Variants in GRID1 observed in about 807,000 individuals in gnomAD.
The protein encoded by GRID1 is glutamate receptor ionotropic, delta-1.
A neutral mutation model predicts 98.0 loss-of-function variants in GRID1; 28 were observed. The observed-to-expected ratio is 0.29, with a 90% CI of 0.21 to 0.39. The LOEUF is 0.39. Ranked by LOEUF, GRID1 falls within the 10% of genes least tolerant of loss-of-function variation. The probability of loss-of-function intolerance (pLI) is 1.00; values close to 1 mark genes in which losing one functional copy is unlikely to be tolerated. For synonymous variants in GRID1, 553 were observed against 538.5 expected, an observed-to-expected ratio of 1.03 and a Z score of -0.37; for missense variants, 1,111 against 1,340.5, an observed-to-expected ratio of 0.83 and a Z score of 2.67.
intron 8 of GRID1, among the ~76,000 whole-genome samples, chr10:85,815,533 A>C (rs2131746933): frequency 6.6e-6 from 1 of 152,240 alleles, no homozygotes; most frequent in South Asian, 2.1e-4. Flanking sequence ...GTAAGTAGTA[A>C]GTTAGTAAAC....
At chr10:85,619,447 AT>A (rs1228476478) in intron 14 of GRID1, among the ~76,000 whole-genome samples, 1 of 152,218 alleles carries the variant, frequency 6.6e-6, no homozygotes, top group Middle Eastern at 3.2e-3. Context: ...GTAGGCCCTT[AT>A]CAGATCCTGC....
chr10:86,023,141 GTTC>G (rs1214825539), intron 4 of GRID1, among the ~76,000 whole-genome samples: 2 of 152,066 alleles, frequency 1.3e-5, no homozygotes, highest in African/African-American at 4.8e-5. Context: ...GTCCTCAGGG[GTTC>G]CCAGCTTGGA....
chr10:85,986,087 A>G (rs1842605128), intron 4 of GRID1, among the ~76,000 whole-genome samples: 1 of 152,218 alleles, frequency 6.6e-6, no homozygotes, highest in Non-Finnish European at 1.5e-5. Context: ...TGTTTAATAA[A>G]ATTCTGTAGC....
chr10:85,898,079 A>T (rs2131813737), intron 5 of GRID1, among the ~76,000 whole-genome samples: 1 of 152,362 alleles, frequency 6.6e-6, no homozygotes, highest in Non-Finnish European at 1.5e-5. Flanking sequence ...AGCCAACTGC[A>T]CACCTAGGCT....
intron 3 of GRID1, among the ~76,000 whole-genome samples, chr10:86,177,807 T>G (rs1845597573): frequency 6.6e-6 from 1 of 151,848 alleles, no homozygotes; most frequent in South Asian, 2.1e-4. Flanking sequence ...AAATAGAGAC[T>G]TTAGCGTATG....
intron 2 of GRID1, among the ~76,000 whole-genome samples, chr10:86,222,466 G>A (rs1455371748): frequency 6.6e-6 from 1 of 152,162 alleles, no homozygotes; most frequent in African/African-American, 2.4e-5. Flanking sequence ...GGAAAAGCGG[G>A]GCCTTCACCC....
At chr10:86,260,180 C>T (rs1187338359) in intron 2 of GRID1, among the ~76,000 whole-genome samples, 1 of 152,336 alleles carries the variant, frequency 6.6e-6, no homozygotes, top group African/African-American at 2.4e-5. Flanking sequence ...TGAGTACCAA[C>T]CACGTGGCTT....
At chr10:85,646,941 C>G (rs948657948) in intron 13 of GRID1, 1 of 515,814 alleles carries the variant, frequency 1.9e-6, no homozygotes, top group South Asian at 2.2e-5. Context: ...CCTATGAGCC[C>G]ATGAGGAGGG....
intron 12 of GRID1, among the ~76,000 whole-genome samples, chr10:85,678,988 A>G (rs920365111): frequency 6.6e-6 from 1 of 152,236 alleles, no homozygotes; most frequent in Non-Finnish European, 1.5e-5. Context: ...TCTACACCTG[A>G]CATAAAACAG....
chr10:86,155,187 G>A (rs1436065096), intron 3 of GRID1, among the ~76,000 whole-genome samples: 3 of 152,196 alleles, frequency 2.0e-5, no homozygotes, highest in Non-Finnish European at 4.4e-5. Context: ...AGCACCACGG[G>A]CTGTATGGCT....
chr10:85,838,814 T>C (rs1393371056), intron 8 of GRID1, among the ~76,000 whole-genome samples: 1 of 152,056 alleles, frequency 6.6e-6, no homozygotes, highest in Non-Finnish European at 1.5e-5. Flanking sequence ...ACCTTAAATA[T>C]AAATGATCTA....
At chr10:86,172,515 T>G (rs1845508276) in intron 3 of GRID1, among the ~76,000 whole-genome samples, 1 of 152,018 alleles carries the variant, frequency 6.6e-6, no homozygotes. Flanking sequence ...TCTATAAACC[T>G]CCCTCCCACC....
chr10:85,706,446 C>A (rs1166200416), intron 12 of GRID1, among the ~76,000 whole-genome samples: 4 of 152,136 alleles, frequency 2.6e-5, no homozygotes, highest in African/African-American at 9.7e-5. Context: ...CAAACCACTG[C>A]TCAGTGAATA....
intron 3 of GRID1, among the ~76,000 whole-genome samples, chr10:86,156,520 C>T (rs770408365): frequency 6.6e-5 from 10 of 152,100 alleles, no homozygotes; most frequent in Admixed American, 1.3e-4. Context: ...GGGAATTGAC[C>T]GATCTACAGG....
At chr10:86,092,662 G>A (rs545947932) in intron 4 of GRID1, among the ~76,000 whole-genome samples, 10 of 152,286 alleles carry the variant, frequency 6.6e-5, no homozygotes, top group African/African-American at 2.4e-4. Flanking sequence ...AATGGCAAAA[G>A]GCCTTGTCCA....
chr10:86,160,775 A>G (rs1845310735), intron 3 of GRID1, among the ~76,000 whole-genome samples: 1 of 152,244 alleles, frequency 6.6e-6, no homozygotes, highest in Non-Finnish European at 1.5e-5. Context: ...TCAGTAGCCT[A>G]AGGCTCAAAG....
chr10:86,295,030 G>A (rs1847567709), intron 2 of GRID1, among the ~76,000 whole-genome samples: 1 of 152,218 alleles, frequency 6.6e-6, no homozygotes, highest in Non-Finnish European at 1.5e-5. Flanking sequence ...TCATGAGAAT[G>A]CTCATTGGAG....
intron 6 of GRID1, among the ~76,000 whole-genome samples, chr10:85,865,928 T>TATAC (rs1418964040): frequency 1.1e-4 from 13 of 114,184 alleles, no homozygotes; most frequent in African/African-American, 4.1e-4. Context: ...TATATATATA[T>TATAC]ATATATATAT....
chr10:86,148,766 T>G (rs2131978801), intron 3 of GRID1, among the ~76,000 whole-genome samples: 1 of 152,206 alleles, frequency 6.6e-6, no homozygotes, highest in East Asian at 1.9e-4. Flanking sequence ...AAACACTATC[T>G]TCCATGGTAG....
Sources: gnomAD v4.1 joint callset for allele counts (sites outside exome capture counted in the v4.1 genomes callset) on GRCh38, gnomAD v4.1.1 for gene constraint, MANE v1.5 for transcripts, NCBI Gene and HGNC (gene_info 2026-07-23, HGNC 2026-07-21) for gene names.